The following NDRG1 variants were observed in gnomAD, a reference collection of about 807,000 sequenced individuals.
The protein encoded by NDRG1 is protein NDRG1.
NDRG1 carries 32 observed loss-of-function variants against 56.9 expected under a neutral mutation model. The observed-to-expected ratio is 0.56, with a 90% confidence interval of 0.42 to 0.76. NDRG1 has a LOEUF of 0.76. NDRG1 is among the 30% of genes least tolerant of loss of function. The pLI is 0.00. For missense variants in NDRG1, 507 were observed against 545.7 expected, an observed-to-expected ratio of 0.93 and a Z score of 0.71; for synonymous variants, 211 against 204.1, an observed-to-expected ratio of 1.03 and a Z score of -0.29.
At chr8:133,253,196 C>G (rs1442078135) in intron 9 of NDRG1, among the ~76,000 whole-genome samples, 1 of 152,248 alleles carries the variant, frequency 6.6e-6, no homozygotes, top group Non-Finnish European at 1.5e-5. Context: ...GCCAGGCAGG[C>G]TGGGCTGATA....
chr8:133,242,221 G>T, intron 14 of NDRG1, 147 bp from the exon 15 acceptor site: 1 of 796,766 alleles, frequency 1.3e-6, no homozygotes, highest in Non-Finnish European at 2.2e-6. Flanking sequence ...AAACACAAAA[G>T]TAAGAGTATG....
intron 15 of NDRG1, chr8:133,240,352 C>G (rs1386726547): frequency 6.6e-6 from 1 of 152,214 alleles, no homozygotes; most frequent in African/African-American, 2.4e-5. Flanking sequence ...TTGATAGGCA[C>G]AGGGAGGGGC....
At chr8:133,270,214 T>C (rs997687136) in intron 3 of NDRG1, among the ~76,000 whole-genome samples, 1 of 152,128 alleles carries the variant, frequency 6.6e-6, no homozygotes, top group African/African-American at 2.4e-5. Flanking sequence ...CCATGGCACG[T>C]ACCACTATGG....
intron 2 of NDRG1, among the ~76,000 whole-genome samples, chr8:133,283,992 T>G (rs1190019148): frequency 6.6e-6 from 1 of 152,224 alleles, no homozygotes; most frequent in Non-Finnish European, 1.5e-5. Context: ...CTCGATCCTA[T>G]GGGACTTGAA....
At chr8:133,242,142 G>T (rs913611614) in intron 14 of NDRG1, 68 bp from the exon 15 acceptor site, 2 of 1,533,614 alleles carry the variant, frequency 1.3e-6, no homozygotes, top group East Asian at 4.5e-5. Context: ...GCCATGGGGG[G>T]CTGTGCCTGT....
chr8:133,290,904 T>C (rs1586502613), intron 1 of NDRG1, among the ~76,000 whole-genome samples: 1 of 152,136 alleles, frequency 6.6e-6, no homozygotes, highest in South Asian at 2.1e-4. Context: ...AGAGGCTGGG[T>C]ATTATACCCA....
chr8:133,265,991 T>C (rs972566057), intron 3 of NDRG1, among the ~76,000 whole-genome samples: 6 of 152,240 alleles, frequency 3.9e-5, no homozygotes, highest in South Asian at 2.1e-4. Context: ...CACAGGGCAG[T>C]TGGGGAGCAG....
intron 15 of NDRG1, chr8:133,241,598 A>T (rs750952731): frequency 1.0e-5 from 3 of 289,374 alleles, no homozygotes; most frequent in Non-Finnish European, 2.0e-5. Context: ...TCAAAGGAGT[A>T]CTGTGATGGT....
chr8:133,283,736 T>A (rs971657619), intron 2 of NDRG1, among the ~76,000 whole-genome samples: 3 of 152,190 alleles, frequency 2.0e-5, no homozygotes, highest in Non-Finnish European at 4.4e-5. Context: ...TACTGAGAGG[T>A]TAGCAAGTGG....
intron 3 of NDRG1, among the ~76,000 whole-genome samples, chr8:133,273,793 C>G (rs1242464574): frequency 1.3e-5 from 2 of 152,196 alleles, no homozygotes; most frequent in African/African-American, 4.8e-5. Flanking sequence ...ATTCTTCCTC[C>G]TCTTCCCTCC....
At chr8:133,266,868 G>C (rs971430784) in intron 3 of NDRG1, among the ~76,000 whole-genome samples, 1 of 152,176 alleles carries the variant, frequency 6.6e-6, no homozygotes. Context: ...TTAACCCACT[G>C]GGGGGTTGCT....
chr8:133,274,853 G>C (rs1857373790), intron 3 of NDRG1, among the ~76,000 whole-genome samples: 1 of 152,204 alleles, frequency 6.6e-6, no homozygotes, highest in Non-Finnish European at 1.5e-5. Flanking sequence ...CCCTGGGAAA[G>C]CCTCAGTTTC....
intron 7 of NDRG1, among the ~76,000 whole-genome samples, chr8:133,257,516 C>T (rs561651518): frequency 3.3e-5 from 5 of 152,242 alleles, no homozygotes; most frequent in Admixed American, 3.3e-4. Context: ...CAGCATATGA[C>T]GCTACCCAAT....
At chr8:133,253,330 G>C (rs2130708916) in intron 9 of NDRG1, among the ~76,000 whole-genome samples, 1 of 152,356 alleles carries the variant, frequency 6.6e-6, no homozygotes, top group Non-Finnish European at 1.5e-5. Flanking sequence ...CCATCCTGCT[G>C]TGGTGACCAG....
intron 2 of NDRG1, among the ~76,000 whole-genome samples, chr8:133,282,522 A>T (rs550508940): frequency 1.2e-4 from 19 of 152,352 alleles, no homozygotes; most frequent in African/African-American, 4.3e-4. Flanking sequence ...AAAGGGAGAA[A>T]TAAGAATATG....
At chr8:133,244,575 T>C in intron 13 of NDRG1, 185 bp from the exon 14 acceptor site, 1 of 688,934 alleles carries the variant, frequency 1.5e-6, no homozygotes. Context: ...AGGCTGCTGG[T>C]GTCTCCGTGG....
chr8:133,254,701 C>G (rs1276097846), intron 8 of NDRG1, 106 bp from the exon 9 acceptor site: 9 of 1,104,694 alleles, frequency 8.1e-6, no homozygotes, highest in Non-Finnish European at 1.2e-5. Context: ...GCTGGACTCC[C>G]CCCTACATGC....
chr8:133,292,088 G>A (rs1372868428), intron 1 of NDRG1, among the ~76,000 whole-genome samples: 1 of 152,196 alleles, frequency 6.6e-6, no homozygotes, highest in Non-Finnish European at 1.5e-5. Flanking sequence ...ACCGTCTGAG[G>A]GGACGAGGTG....
At chr8:133,244,516 G>A (rs1199668206) in intron 13 of NDRG1, 126 bp from the exon 14 acceptor site, 27 of 1,118,676 alleles carry the variant, frequency 2.4e-5, no homozygotes, top group Admixed American at 3.9e-5. Context: ...CCTTACAAAG[G>A]AGGAACAGGG....
Sources: gnomAD v4.1 joint callset for allele counts (sites outside exome capture counted in the v4.1 genomes callset) on GRCh38, gnomAD v4.1.1 for gene constraint, MANE v1.5 for transcripts, NCBI Gene and HGNC (gene_info 2026-07-23, HGNC 2026-07-21) for gene names.